The following CDH10 variants were observed in gnomAD, a reference collection of about 807,000 sequenced individuals.
CDH10 encodes cadherin 10.
Under a neutral mutation model 73.1 loss-of-function variants are expected in CDH10, and 30 were observed. The ratio of observed to expected loss-of-function variants is 0.41; its 90% confidence interval spans 0.31 to 0.56. The LOEUF is 0.56. Among genes scored for constraint, CDH10 ranks in the 20% least tolerant of loss-of-function variants. The pLI, the probability that CDH10 is intolerant of heterozygous loss-of-function variation, is 0.27. For missense variants in CDH10, 815 were observed against 973.7 expected, an observed-to-expected ratio of 0.84 and a Z score of 2.17; for synonymous variants, 345 against 348.2, an observed-to-expected ratio of 0.99 and a Z score of 0.10.
At chr5:24,541,369 C>A (rs534632663) in intron 2 of CDH10, among the ~76,000 whole-genome samples, 1 of 151,860 alleles carries the variant, frequency 6.6e-6, no homozygotes, top group African/African-American at 2.4e-5. Context: ...TGTGCGTCTG[C>A]GGCACAATTT....
At chr5:24,574,286 T>G (rs1447404051) in intron 2 of CDH10, among the ~76,000 whole-genome samples, 3 of 152,146 alleles carry the variant, frequency 2.0e-5, no homozygotes, top group Non-Finnish European at 4.4e-5. Flanking sequence ...ATATGTCACT[T>G]TTTTCAAAAT....
At chr5:24,606,409 G>C (rs1486263732) in intron 1 of CDH10, among the ~76,000 whole-genome samples, 2 of 152,054 alleles carry the variant, frequency 1.3e-5, no homozygotes, top group African/African-American at 4.8e-5. Context: ...TCAGGAGTTC[G>C]AGACCAGCTT....
intron 2 of CDH10, among the ~76,000 whole-genome samples, chr5:24,553,005 T>C (rs1486635735): frequency 1.5e-3 from 1 of 684 alleles, no homozygotes; most frequent in Non-Finnish European, 0.012. Context: ...GTTTTCCTCT[T>C]TTTTTGTGTT....
chr5:24,559,087 A>G (rs1744867619), intron 2 of CDH10, among the ~76,000 whole-genome samples: 1 of 151,310 alleles, frequency 6.6e-6, no homozygotes, highest in African/African-American at 2.4e-5. Flanking sequence ...TTCTTCTAAT[A>G]AAAATAGACA....
intron 11 of CDH10, among the ~76,000 whole-genome samples, chr5:24,489,865 T>C (rs558775809): frequency 6.6e-6 from 1 of 152,242 alleles, no homozygotes; most frequent in African/African-American, 2.4e-5. Context: ...CCAGCCATAA[T>C]AAAAGTGGAA....
intron 1 of CDH10, among the ~76,000 whole-genome samples, chr5:24,631,722 A>C (rs1756153527): frequency 6.6e-6 from 1 of 152,000 alleles, no homozygotes; most frequent in South Asian, 2.1e-4. Flanking sequence ...CTCCTACTAT[A>C]TTTCCATTTC....
rs188787467 is a variant in CDH10 at position 24,543,956 on chromosome 5, T to G, written c.232-6282A>C. Among the ~76,000 whole-genome samples the G allele has an allele frequency of 5.3e-5, 8 of 152,188 alleles. No individual in the cohort carries two copies. In the East Asian group the frequency reaches 1.2e-3, roughly 22 times the overall value. On this transcript the variant is annotated intron_variant, in intron 2 of 11. Transcript: ENST00000264463. ...AGCACTGTTTCAATATTAATGTACA[T>G]AAAAACAAGACCAATTTCATGAATC...
At chr5:24,509,240 C>CTTTTTTTTTTTTTT (rs35903930) in intron 7 of CDH10, among the ~76,000 whole-genome samples, 5 of 85,326 alleles carry the variant, frequency 5.9e-5, no homozygotes, top group African/African-American at 2.0e-4. Flanking sequence ...CTCCTTTTTC[C>CTTTTTTTTTTTTTT]TTTTTTTTTT....
intron 8 of CDH10, among the ~76,000 whole-genome samples, chr5:24,504,886 A>C (rs1021586925): frequency 1.3e-5 from 2 of 152,152 alleles, no homozygotes; most frequent in African/African-American, 4.8e-5. Flanking sequence ...AGAAGGCAGA[A>C]ATAAAATTTT....
chr5:24,637,352 A>C (rs1446398333), intron 1 of CDH10, among the ~76,000 whole-genome samples: 2 of 151,992 alleles, frequency 1.3e-5, no homozygotes, highest in African/African-American at 4.8e-5. Context: ...TGGAAGATGA[A>C]AACTTAAGAC....
intron 2 of CDH10, among the ~76,000 whole-genome samples, chr5:24,556,628 C>T (rs1744778787): frequency 6.6e-6 from 1 of 151,644 alleles, no homozygotes; most frequent in Non-Finnish European, 1.5e-5. Flanking sequence ...GTTACTACTA[C>T]TAAAAATTAA....
intron 9 of CDH10, among the ~76,000 whole-genome samples, 169 bp downstream of exon 9, chr5:24,498,229 T>A (rs771174296): frequency 6.6e-6 from 1 of 152,222 alleles, no homozygotes; most frequent in Non-Finnish European, 1.5e-5. Flanking sequence ...TATATGGTTT[T>A]AAAAATATTT....
chr5:24,512,931 G>A (rs1174539017), intron 5 of CDH10, among the ~76,000 whole-genome samples: 1 of 151,932 alleles, frequency 6.6e-6, no homozygotes, highest in Non-Finnish European at 1.5e-5. Context: ...ACCAAACTGG[G>A]CTTTTCAAAG....
intron 9 of CDH10, among the ~76,000 whole-genome samples, chr5:24,494,071 T>C (rs1210857421): frequency 6.6e-6 from 1 of 151,916 alleles, no homozygotes; most frequent in East Asian, 1.9e-4. Context: ...AGAAATATAA[T>C]TGGACCAAAG....
chr5:24,503,518 G>A (rs893117661), intron 8 of CDH10, among the ~76,000 whole-genome samples: 1 of 152,132 alleles, frequency 6.6e-6, no homozygotes, highest in African/African-American at 2.4e-5. Flanking sequence ...CTTTTAACAA[G>A]CACCTGACAT....
chr5:24,494,831 A>C (rs1742208570), intron 9 of CDH10, among the ~76,000 whole-genome samples: 1 of 152,134 alleles, frequency 6.6e-6, no homozygotes, highest in Non-Finnish European at 1.5e-5. Context: ...CCAAACTCAT[A>C]GAGATGACAC....
rs1286224596 is a variant in CDH10, at chr5:24,487,592, C to T, written c.*71G>A. 2.1e-6 allele frequency: 3 copies of T among 1,448,356 alleles called. No individual in the cohort carries two copies. Among genetic ancestry groups the T allele is most frequent in the South Asian group, 1.4e-5 (1 of 71,002 alleles). 89.7% of individuals were successfully genotyped at this position (1,448,356 alleles called of 1,614,324 possible). Reference sequence around the variant, plus strand: ...CTGGCAGGAAAATGCTCCTGAATATCAAATATTGTGAAGTGGAGACAGCAT... The same window carrying T: ...CTGGCAGGAAAATGCTCCTGAATATTAAATATTGTGAAGTGGAGACAGCAT... On this transcript the variant is annotated 3_prime_UTR_variant, in exon 12 of 12. Coordinates refer to ENST00000264463, the MANE Select transcript of CDH10 (RefSeq NM_006727.5).
intron 1 of CDH10, among the ~76,000 whole-genome samples, chr5:24,603,390 A>C (rs1404348094): frequency 1.3e-5 from 2 of 152,234 alleles, no homozygotes; most frequent in Non-Finnish European, 1.5e-5. Context: ...TATCAACAAC[A>C]AAACAAAATT....
At chr5:24,542,013 G>T (rs557037041) in intron 2 of CDH10, among the ~76,000 whole-genome samples, 1 of 152,126 alleles carries the variant, frequency 6.6e-6, no homozygotes, top group Admixed American at 6.6e-5. Flanking sequence ...CTAAATGATA[G>T]ATTGAATTTA....
Sources: allele counts gnomAD v4.1 joint callset (sites outside exome capture counted in the v4.1 genomes callset), GRCh38; gene constraint gnomAD v4.1.1; transcripts MANE v1.5; gene names NCBI Gene and HGNC (gene_info 2026-07-23, HGNC 2026-07-21).